Variants in ARHGEF28 observed in about 807,000 individuals in gnomAD.
The protein encoded by ARHGEF28 is 190 kDa guanine nucleotide exchange factor.
In ARHGEF28, 152 loss-of-function variants were observed where a neutral mutation model predicts 206.6. That is an observed-to-expected ratio of 0.74 (90% CI 0.64 to 0.84). The LOEUF (loss-of-function observed/expected upper bound fraction) is 0.84, where lower values mean the gene tolerates loss of function less well. Ranked by LOEUF, ARHGEF28 falls within the 40% of genes least tolerant of loss-of-function variation. The pLI is 0.00. For missense variants in ARHGEF28, 2,028 were observed against 2,073.2 expected (o/e 0.98, Z 0.42); for synonymous variants, 763 against 776.4 (o/e 0.98, Z 0.29).
At chr5:73,714,980 T>A (rs1749490891) in intron 2 of ARHGEF28, among the ~76,000 whole-genome samples, 1 of 152,218 alleles carries the variant, frequency 6.6e-6, no homozygotes, top group Non-Finnish European at 1.5e-5. Flanking sequence ...AAAGGTGAGA[T>A]CTTTGATGAT....
chr5:73,722,981 C>T (rs1367512068), intron 2 of ARHGEF28, among the ~76,000 whole-genome samples: 1 of 152,182 alleles, frequency 6.6e-6, no homozygotes, highest in Non-Finnish European at 1.5e-5. Flanking sequence ...AGAACATTAG[C>T]TTGCTAGCCA....
intron 16 of ARHGEF28, among the ~76,000 whole-genome samples, chr5:73,861,768 T>C (rs535491665): frequency 1.3e-5 from 2 of 151,228 alleles, no homozygotes; most frequent in East Asian, 3.9e-4. Context: ...GATTAAATTC[T>C]AGAATCAGTA....
chr5:73,888,670 C>G (rs1321286363), intron 26 of ARHGEF28, among the ~76,000 whole-genome samples: 1 of 152,210 alleles, frequency 6.6e-6, no homozygotes, highest in Non-Finnish European at 1.5e-5. Context: ...AATATAAATA[C>G]AACTACCTTG....
At chr5:73,841,113 T>A (rs758536001) in intron 11 of ARHGEF28, among the ~76,000 whole-genome samples, 4 of 152,198 alleles carry the variant, frequency 2.6e-5, no homozygotes, top group Non-Finnish European at 5.9e-5. Context: ...TGACATTATC[T>A]TGTAAAGTCA....
intron 35 of ARHGEF28, among the ~76,000 whole-genome samples, chr5:73,926,613 C>T (rs577098380): frequency 1.8e-4 from 27 of 152,314 alleles, no homozygotes; most frequent in Non-Finnish European, 2.9e-4. Flanking sequence ...ACCCAGAAGG[C>T]CTGCCACATG....
At chr5:73,745,295 T>C (rs759913288) in intron 2 of ARHGEF28, among the ~76,000 whole-genome samples, 1 of 152,010 alleles carries the variant, frequency 6.6e-6, no homozygotes, top group Non-Finnish European at 1.5e-5. Context: ...ACTCAATTAC[T>C]CAAGGTATTA....
At position 73,661,428 on chromosome 5, in the gene ARHGEF28, C is replaced by T. The variant is rs189517735; in HGVS notation, c.-11-23413C>T. Among the ~76,000 whole-genome samples, 10 of 152,258 alleles carry T rather than the reference C, an allele frequency of 6.6e-5. No homozygotes were observed. In the East Asian group the frequency reaches 1.2e-3, roughly 18 times the overall value. Reference sequence around the variant, plus strand: ...AAGGCTGTTTCACTTTCTTATCATTCGTGTGTTCCTGGAGAAGTACTTTTA... The same window carrying T: ...AAGGCTGTTTCACTTTCTTATCATTTGTGTGTTCCTGGAGAAGTACTTTTA... On this transcript the variant is annotated intron_variant, in intron 1 of 35. Coordinates refer to ENST00000513042, the MANE Select transcript of ARHGEF28 (RefSeq NM_001177693.2).
chr5:73,890,784 G>T (rs76014498), intron 26 of ARHGEF28, among the ~76,000 whole-genome samples: 6,955 of 152,284 alleles, frequency 0.046, 220 homozygotes, highest in African/African-American at 0.083. Flanking sequence ...ACCACACACT[G>T]CAACCAGCTC....
intron 4 of ARHGEF28, among the ~76,000 whole-genome samples, chr5:73,768,525 G>C (rs113807409): frequency 0.01 from 1,577 of 152,238 alleles, 40 homozygotes; most frequent in African/African-American, 0.036. Flanking sequence ...TCAGACTTGC[G>C]TAGGGCCTGT....
chr5:73,856,489 T>C (rs1759046353), intron 14 of ARHGEF28, among the ~76,000 whole-genome samples: 1 of 152,090 alleles, frequency 6.6e-6, no homozygotes. Context: ...TTTTTCTAAA[T>C]GCATTAATAG....
chr5:73,895,576 T>C (rs1326944199), intron 29 of ARHGEF28, among the ~76,000 whole-genome samples: 1 of 152,122 alleles, frequency 6.6e-6, no homozygotes. Context: ...GCTTGGGAGA[T>C]AAACCAGCCA....
chr5:73,812,995 A>G (rs1342683780), intron 9 of ARHGEF28, among the ~76,000 whole-genome samples: 5 of 152,204 alleles, frequency 3.3e-5, no homozygotes, highest in Non-Finnish European at 5.9e-5. Flanking sequence ...CCAAGCTGCC[A>G]ATGGTATGAA....
At chr5:73,905,307 TA>T (rs10544463) in intron 33 of ARHGEF28, 21,166 of 144,272 alleles carry the variant, frequency 0.15, 1,816 homozygotes, top group African/African-American at 0.26. Context: ...GCCCATCCAT[TA>T]AAAAAAAAAA....
At chr5:73,793,264 T>C (rs1396592111) in intron 7 of ARHGEF28, among the ~76,000 whole-genome samples, 1 of 152,252 alleles carries the variant, frequency 6.6e-6, no homozygotes, top group African/African-American at 2.4e-5. Context: ...TGCTCCATCC[T>C]GATCTTATTA....
At chr5:73,827,098 A>G (rs1182226134) in intron 9 of ARHGEF28, among the ~76,000 whole-genome samples, 3 of 152,206 alleles carry the variant, frequency 2.0e-5, no homozygotes, top group African/African-American at 7.2e-5. Flanking sequence ...CCATTTCATG[A>G]GAGCTCATCC....
intron 23 of ARHGEF28, among the ~76,000 whole-genome samples, chr5:73,883,088 G>A (rs1194511510): frequency 5.9e-5 from 9 of 152,104 alleles, no homozygotes; most frequent in Non-Finnish European, 1.0e-4. Flanking sequence ...ACTTAAATCA[G>A]AATCTGACCA....
chr5:73,922,330 C>G (rs906374576), intron 35 of ARHGEF28, among the ~76,000 whole-genome samples: 2 of 152,184 alleles, frequency 1.3e-5, no homozygotes, highest in African/African-American at 4.8e-5. Context: ...TTTTGGGGAG[C>G]CTTTGTAGAA....
chr5:73,627,502 A>G (rs1166223415), intron 1 of ARHGEF28, among the ~76,000 whole-genome samples: 1 of 152,136 alleles, frequency 6.6e-6, no homozygotes, highest in African/African-American at 2.4e-5. Context: ...CGTAGTGATG[A>G]CTTCTGGGAA....
chr5:73,662,823 G>A (rs1268364992), intron 1 of ARHGEF28, among the ~76,000 whole-genome samples: 1 of 152,192 alleles, frequency 6.6e-6, no homozygotes, highest in African/African-American at 2.4e-5. Flanking sequence ...TTCCTAGAAT[G>A]TAGGAACCTG....
Sources: allele counts gnomAD v4.1 joint callset (sites outside exome capture counted in the v4.1 genomes callset), GRCh38; gene constraint gnomAD v4.1.1; transcripts MANE v1.5; gene names NCBI Gene and HGNC (gene_info 2026-07-23, HGNC 2026-07-21).